Variants in PCDHGC4 observed in about 807,000 individuals in gnomAD.
The protein encoded by PCDHGC4 is protocadherin gamma subfamily C, 4.
In PCDHGC4, 15 loss-of-function variants were observed where a neutral mutation model predicts 59.7. The observed-to-expected ratio is 0.25, with a 90% CI of 0.17 to 0.39. The LOEUF is 0.39. Among genes scored for constraint, PCDHGC4 ranks in the 10% least tolerant of loss-of-function variants. The pLI, the probability that PCDHGC4 is intolerant of heterozygous loss-of-function variation, is 1.00. For missense variants in PCDHGC4, 1,016 were observed against 1,189.5 expected (o/e 0.85, Z 2.15); for synonymous variants, 434 against 481.4 (o/e 0.90, Z 1.29).
rs1228831823 is a variant in PCDHGC4, at chr5:141,487,778, T to C, written c.2442+163T>C. ...GGTAGACGCTGTGCTTTGTAACTGT[T>C]TCGTGAATTAACCAGAGTTGTCACA... On this transcript the variant is annotated intron_variant, in intron 1 of 3. Coordinates refer to ENST00000306593, the MANE Select transcript of PCDHGC4 (RefSeq NM_018928.3). The surrounding 1 kb of genome is among the most constrained non-coding windows in gnomAD (Gnocchi z 5.0). The C allele has an allele frequency of 6.5e-7, 1 of 1,531,514 alleles. No individual in the cohort carries two copies. The highest frequency in any genetic ancestry group is 2.0e-5 in the Admixed American group (1 of 49,632). 94.9% of individuals were successfully genotyped at this position (1,531,514 alleles called of 1,614,324 possible).
chr5:141,496,276 G>C (rs1189269883), intron 2 of PCDHGC4, among the ~76,000 whole-genome samples: 1 of 152,204 alleles, frequency 6.6e-6, no homozygotes, highest in Admixed American at 6.5e-5. Flanking sequence ...AAGACCTTCA[G>C]TTGGTCTGAG....
intron 2 of PCDHGC4, among the ~76,000 whole-genome samples, chr5:141,497,132 G>T (rs2099774325): frequency 6.6e-6 from 1 of 152,046 alleles, no homozygotes; most frequent in Non-Finnish European, 1.5e-5. Context: ...GTTGCAGTGA[G>T]CTGAGATCAC....
At position 141,485,060 on chromosome 5, in the gene PCDHGC4, G is replaced by A. The variant is rs191055161; in HGVS notation, c.-114G>A. 155 of 862,304 alleles carry A rather than the reference G, an allele frequency of 1.8e-4. No individual in the cohort carries two copies. The African/African-American group carries it at 2.3e-3, about 13-fold the overall frequency. 53.4% of individuals were successfully genotyped at this position (862,304 alleles called of 1,614,324 possible). ...ACCCTTGCGGCGCCGGCCGAACCGCGCCAGAGCTGGCGCGGGGAAAGGGAG... is the reference window on the plus strand; with the variant it reads ...ACCCTTGCGGCGCCGGCCGAACCGCACCAGAGCTGGCGCGGGGAAAGGGAG... On this transcript the variant is annotated 5_prime_UTR_variant, in exon 1 of 4. Transcript: ENST00000306593. This position sits in a 1 kb window ranked among gnomAD's most constrained non-coding sequence, Gnocchi z 5.7.
chr5:141,487,435 A>G lies in PCDHGC4; in HGVS notation c.2262A>G (p.Leu754=), dbSNP rs776328527. Residue 754 remains leucine, a synonymous_variant, in exon 1 of 4, where the codon CTA becomes CTG. Transcript: ENST00000306593. The surrounding 1 kb of genome is among the most constrained non-coding windows in gnomAD (Gnocchi z 5.0). ...PPSNGILRIQ[L]GSDDPIKFVD... ...CCAATGGGATCCTCCGAATCCAGCT[A>G]GGGTCAGATGACCCTATCAAGTTTG... 3.7e-6 allele frequency: 6 copies of G among 1,614,164 alleles called. No individual in the cohort carries two copies. In the South Asian group the frequency reaches 6.6e-5, roughly 18 times the overall value.
chr5:141,487,304 C>T lies in PCDHGC4; in HGVS notation c.2131C>T (p.Leu711=). The T allele has an allele frequency of 6.2e-7, 1 of 1,614,190 alleles. No homozygotes were observed. The highest frequency in any genetic ancestry group is 8.5e-7 in the Non-Finnish European group (1 of 1,180,042). Residue 711 remains leucine, a synonymous_variant, in exon 1 of 4, where the codon CTA becomes TTA. Transcript: ENST00000306593. This position sits in a 1 kb window ranked among gnomAD's most constrained non-coding sequence, Gnocchi z 5.0. ...CFVSFGSFVA[L]LSKCLRGAAC... is the part of the protein sequence containing the mutation. ...TGTCTCCTTTGGCTCATTCGTGGCA[C>T]TACTCTCTAAGTGTCTTCGTGGGGC...
chr5:141,509,499 T>C (rs895353804), intron 3 of PCDHGC4, among the ~76,000 whole-genome samples: 1 of 152,128 alleles, frequency 6.6e-6, no homozygotes, highest in Non-Finnish European at 1.5e-5. Flanking sequence ...GCATGCTGGA[T>C]GTGACGGTGT....
In PCDHGC4 at chr5:141,490,261, G is replaced by T; in HGVS notation, c.2442+2646G>T. 6.2e-7 allele frequency: 1 copy of T among 1,614,218 alleles called. No individual in the cohort carries two copies. Among genetic ancestry groups the T allele is most frequent in the Non-Finnish European group, 8.5e-7 (1 of 1,180,038 alleles). ...CCACTGTGTGATTCAAGTGGATGTG[G>T]GGGATGTCAATGACAATGCCCCAGA... On this transcript the variant is annotated intron_variant, in intron 1 of 3. Coordinates refer to ENST00000306593, the MANE Select transcript of PCDHGC4 (RefSeq NM_018928.3). The surrounding 1 kb of genome is among the most constrained non-coding windows in gnomAD (Gnocchi z 5.4).
rs554845172 is a variant in PCDHGC4 at position 141,485,584 on chromosome 5, G to A, written c.411G>A (p.Gln137=). Reference sequence around the variant, plus strand: ...ACGCCCCCCGTTTTCCGCGGCAGCAGCTGGACTTGGAAATTGGGGAGGCAG... The same window carrying A: ...ACGCCCCCCGTTTTCCGCGGCAGCAACTGGACTTGGAAATTGGGGAGGCAG... The part of the protein sequence containing the change: ...NDHAPRFPRQ[Q]LDLEIGEAAP... The change falls in exon 1 of 4, where the codon CAG becomes CAA. Residue 137 remains glutamine (Q), a synonymous_variant. Transcript: ENST00000306593. The surrounding 1 kb of genome is among the most constrained non-coding windows in gnomAD (Gnocchi z 5.7). The A allele has an allele frequency of 2.9e-5, 46 of 1,612,498 alleles. 1 individual carries two copies. The South Asian group carries it at 4.5e-4, about 16-fold the overall frequency.
chr5:141,490,402 G>A lies in PCDHGC4; in HGVS notation c.2442+2787G>A. On this transcript the variant is annotated intron_variant, in intron 1 of 3. Coordinates refer to ENST00000306593, the MANE Select transcript of PCDHGC4 (RefSeq NM_018928.3). This position sits in a 1 kb window ranked among gnomAD's most constrained non-coding sequence, Gnocchi z 5.4. The stretch of plus-strand genomic sequence containing the variant: ...AGGTAGAAATGGTGAAGTGAGCCTT[G>A]ATATCTCTCCGGACCTGCCATTTCA... 6.2e-7 allele frequency: 1 copy of A among 1,614,182 alleles called. No homozygotes were observed. The highest frequency in any genetic ancestry group is 8.5e-7 in the Non-Finnish European group (1 of 1,180,024).
intron 2 of PCDHGC4, among the ~76,000 whole-genome samples, chr5:141,504,870 AG>A (rs1453764331): frequency 6.6e-6 from 1 of 151,996 alleles, no homozygotes; most frequent in Non-Finnish European, 1.5e-5. Context: ...CCACCTTCAC[AG>A]TCCTCTGGAG....
intron 2 of PCDHGC4, among the ~76,000 whole-genome samples, chr5:141,502,135 G>A (rs1254187943): frequency 6.6e-6 from 1 of 152,154 alleles, no homozygotes; most frequent in East Asian, 1.9e-4. Context: ...GAGCTCAGTC[G>A]GGCCGGAAGT....
rs2099615817 is a variant in PCDHGC4 at position 141,485,564 on chromosome 5, C to G, written c.391C>G (p.Pro131Ala). The change falls in exon 1 of 4, where the codon CCC becomes GCC. Residue 131 changes from proline to alanine, a missense_variant. Coordinates refer to ENST00000306593, the MANE Select transcript of PCDHGC4 (RefSeq NM_018928.3). This position sits in a 1 kb window ranked among gnomAD's most constrained non-coding sequence, Gnocchi z 5.7. ...VEIVDVNDHA[P>A]RFPRQQLDLE... ...GATCGTAGATGTGAATGATCACGCCCCCCGTTTTCCGCGGCAGCAGCTGGA... is the reference window on the plus strand; with the variant it reads ...GATCGTAGATGTGAATGATCACGCCGCCCGTTTTCCGCGGCAGCAGCTGGA... 6.2e-7 allele frequency: 1 copy of G among 1,612,958 alleles called. No individual in the cohort carries two copies. The highest frequency in any genetic ancestry group is 8.5e-7 in the Non-Finnish European group (1 of 1,179,052).
chr5:141,502,866 C>CTTTT (rs549047197), intron 2 of PCDHGC4, among the ~76,000 whole-genome samples: 3 of 128,028 alleles, frequency 2.3e-5, no homozygotes, highest in African/African-American at 6.2e-5. Flanking sequence ...GACTCTCTGT[C>CTTTT]TTTTTTTTTT....
intron 2 of PCDHGC4, among the ~76,000 whole-genome samples, chr5:141,495,994 T>C (rs2099765151): frequency 6.6e-6 from 1 of 152,146 alleles, no homozygotes; most frequent in Non-Finnish European, 1.5e-5. Flanking sequence ...ATCTCTCTTT[T>C]TCTTTTATCT....
At chr5:141,498,321 G>A (rs1477684617) in intron 2 of PCDHGC4, among the ~76,000 whole-genome samples, 2 of 151,722 alleles carry the variant, frequency 1.3e-5, no homozygotes, top group Non-Finnish European at 2.9e-5. Flanking sequence ...CTACACAGAA[G>A]GAAGAGCATT....
chr5:141,508,994 A>G (rs2099873731), intron 3 of PCDHGC4, among the ~76,000 whole-genome samples: 1 of 152,052 alleles, frequency 6.6e-6, no homozygotes, highest in South Asian at 2.1e-4. Flanking sequence ...CAGCTGGGGT[A>G]GGAGAGGAGG....
intron 3 of PCDHGC4, among the ~76,000 whole-genome samples, chr5:141,506,444 CAAAAAAAAAA>C (rs1219684339): frequency 8.4e-5 from 8 of 95,030 alleles, no homozygotes; most frequent in Non-Finnish European, 1.3e-4. Context: ...CGCTCTGTCT[CAAAAAAAAAA>C]AAAAAAAAAA....
intron 3 of PCDHGC4, among the ~76,000 whole-genome samples, chr5:141,505,942 G>A (rs2099849309): frequency 6.6e-6 from 1 of 152,192 alleles, no homozygotes; most frequent in African/African-American, 2.4e-5. Flanking sequence ...AAGCCCTCAA[G>A]CAATGAAAGT....
Position 141,485,432 on chromosome 5 carries a change from A to C in PCDHGC4, c.259A>C (p.Lys87Gln). The C allele has an allele frequency of 6.2e-7, 1 of 1,614,178 alleles. No individual in the cohort carries two copies. Among genetic ancestry groups the C allele is most frequent in the Non-Finnish European group, 8.5e-7 (1 of 1,180,028 alleles). Reference protein sequence around the residue: ...VDLDSGALLIKNPIDREALCG... With the variant: ...VDLDSGALLIQNPIDREALCG... ...TTTGGACAGCGGAGCCCTGCTCATC[A>C]AGAACCCAATCGACCGAGAGGCACT... Residue 87 changes from lysine to glutamine, a missense_variant, in exon 1 of 4, where the codon AAG (lysine) becomes CAG (glutamine). Physicochemically the swap from Lys to Gln is moderately conservative, Grantham distance 53. Transcript: ENST00000306593. The surrounding 1 kb of genome is among the most constrained non-coding windows in gnomAD (Gnocchi z 5.7).
Sources: gnomAD v4.1 joint callset for allele counts (sites outside exome capture counted in the v4.1 genomes callset) on GRCh38, gnomAD v4.1.1 for gene constraint, Gnocchi (gnomAD v3.1) non-coding constraint, MANE v1.5 for transcripts, NCBI Gene and HGNC (gene_info 2026-07-23, HGNC 2026-07-21) for gene names.